The following LYN variants were observed in gnomAD, a reference collection of about 807,000 sequenced individuals.
The protein encoded by LYN is LYN proto-oncogene, Src family tyrosine kinase.
LYN carries 12 observed loss-of-function variants against 65.0 expected under a neutral mutation model. The ratio of observed to expected loss-of-function variants is 0.18; its 90% confidence interval spans 0.12 to 0.30. The LOEUF (loss-of-function observed/expected upper bound fraction) is 0.30. LYN is among the 10% of genes least tolerant of loss of function. The probability of loss-of-function intolerance (pLI) is 1.00; values close to 1 mark genes in which losing one functional copy is unlikely to be tolerated. For synonymous variants in LYN, 222 were observed against 221.2 expected (o/e 1.00, Z -0.03); for missense variants, 380 against 623.2 (o/e 0.61, Z 4.16).
chr8:56,005,450 C>A (rs542525702), intron 12 of LYN, among the ~76,000 whole-genome samples: 1 of 152,322 alleles, frequency 6.6e-6, no homozygotes, highest in Admixed American at 6.5e-5. Flanking sequence ...GTCCTGCCCT[C>A]GGCGCTGGCC....
intron 9 of LYN, 99 bp from the exon 10 acceptor site, chr8:55,969,618 G>A: frequency 1.1e-6 from 1 of 904,176 alleles, no homozygotes. Flanking sequence ...CAATCATTTT[G>A]TGGGGAGTTC....
intron 10 of LYN, among the ~76,000 whole-genome samples, chr8:55,976,343 AAGAAGGAAG>A (rs1383655388): frequency 3.3e-5 from 5 of 151,388 alleles, no homozygotes; most frequent in African/African-American, 1.2e-4. Context: ...AAAAAAAAAA[AAGAAGGAAG>A]GAAGGAAGGA....
chr8:55,903,624 A>G (rs1331767746), intron 1 of LYN, among the ~76,000 whole-genome samples: 2 of 152,198 alleles, frequency 1.3e-5, no homozygotes, highest in African/African-American at 4.8e-5. Context: ...TTCTATGTTG[A>G]TAATCTAATC....
At chr8:55,964,610 C>T (rs763077755) in intron 8 of LYN, among the ~76,000 whole-genome samples, 3 of 152,138 alleles carry the variant, frequency 2.0e-5, no homozygotes, top group Non-Finnish European at 4.4e-5. Context: ...CTCATGCCTA[C>T]AATCCCAGCA....
chr8:55,929,926 A>G (rs555845973), intron 1 of LYN, among the ~76,000 whole-genome samples: 3 of 152,332 alleles, frequency 2.0e-5, no homozygotes, highest in Admixed American at 2.0e-4. Context: ...CCTGTTAGGA[A>G]CTGGGCCACA....
intron 10 of LYN, among the ~76,000 whole-genome samples, chr8:55,992,362 G>A (rs984705933): frequency 6.6e-6 from 1 of 152,146 alleles, no homozygotes; most frequent in Non-Finnish European, 1.5e-5. Context: ...AGGCCCACAG[G>A]GTCCTGACCT....
intron 1 of LYN, among the ~76,000 whole-genome samples, chr8:55,913,992 G>A (rs1443852903): frequency 8.5e-5 from 13 of 152,144 alleles, no homozygotes; most frequent in Admixed American, 7.9e-4. Context: ...TATCAGATGA[G>A]CAATGAGCAG....
chr8:55,953,105 G>A (rs1289089716), intron 7 of LYN, among the ~76,000 whole-genome samples: 1 of 152,218 alleles, frequency 6.6e-6, no homozygotes, highest in Non-Finnish European at 1.5e-5. Flanking sequence ...ATTCCTGTGT[G>A]CATCCGGCAC....
At chr8:55,966,930 G>C (rs781194924) in intron 9 of LYN, 33 bp downstream of exon 9, 1 of 1,587,362 alleles carries the variant, frequency 6.3e-7, no homozygotes, top group South Asian at 1.1e-5. Context: ...AGCTTGCAAG[G>C]GCTTCAAACT....
chr8:55,999,403 T>C lies in LYN; in HGVS notation c.1205-15T>C. 2.5e-6 allele frequency: 4 copies of C among 1,611,694 alleles called. No homozygotes were observed. Among genetic ancestry groups the C allele is most frequent in the Non-Finnish European group, 3.4e-6 (4 of 1,178,402 alleles). The stretch of plus-strand genomic sequence containing the variant: ...TTTAAATACCCAAGTAAGAACCACA[T>C]ATCTTCTTCCTTAGGTGCTAAGTTC... On this transcript the variant is annotated splice_polypyrimidine_tract_variant and intron_variant, in intron 11 of 12. Coordinates refer to ENST00000519728, the MANE Select transcript of LYN (RefSeq NM_002350.4).
chr8:55,894,600 T>A (rs1381434827), intron 1 of LYN, among the ~76,000 whole-genome samples: 3 of 151,766 alleles, frequency 2.0e-5, no homozygotes, highest in Admixed American at 1.3e-4. Flanking sequence ...TGGCGCTATC[T>A]TGGCTCACTG....
rs537665481 is a variant in LYN at position 55,918,666 on chromosome 8, T to A, written c.-5-23189T>A. Among the ~76,000 whole-genome samples, 2 of 152,256 alleles carry A rather than the reference T, an allele frequency of 1.3e-5. 1 individual carries two copies. The highest frequency in any genetic ancestry group is 4.8e-5 in the African/African-American group (2 of 41,554). On this transcript the variant is annotated intron_variant, in intron 1 of 12. Transcript: ENST00000519728. ...AGGTGTTCGGGGTTGTCTCGGTTAATCCTTACTATGGCCTTGCGGGGTAGG... is the reference window on the plus strand; with the variant it reads ...AGGTGTTCGGGGTTGTCTCGGTTAAACCTTACTATGGCCTTGCGGGGTAGG...
intron 8 of LYN, among the ~76,000 whole-genome samples, chr8:55,960,654 A>G (rs1807245656): frequency 6.6e-6 from 1 of 152,198 alleles, no homozygotes; most frequent in African/African-American, 2.4e-5. Context: ...TAGTTTCTCA[A>G]AGGATAAGCA....
intron 1 of LYN, among the ~76,000 whole-genome samples, chr8:55,921,216 A>G (rs2130432921): frequency 6.6e-6 from 1 of 152,326 alleles, no homozygotes; most frequent in Non-Finnish European, 1.5e-5. Flanking sequence ...ACCACAAACT[A>G]TGGAATAAGC....
At chr8:55,928,731 A>G (rs1439777266) in intron 1 of LYN, among the ~76,000 whole-genome samples, 1 of 152,048 alleles carries the variant, frequency 6.6e-6, no homozygotes, top group East Asian at 1.9e-4. Context: ...GAAGTTTTAG[A>G]TTTTAATGAA....
At chr8:55,894,440 G>T (rs965844872) in intron 1 of LYN, among the ~76,000 whole-genome samples, 6 of 151,316 alleles carry the variant, frequency 4.0e-5, no homozygotes, top group Admixed American at 4.0e-4. Flanking sequence ...CTCAATCTTG[G>T]CTCACTGCAG....
At chr8:55,991,178 A>G (rs1027363116) in intron 10 of LYN, among the ~76,000 whole-genome samples, 2 of 152,180 alleles carry the variant, frequency 1.3e-5, no homozygotes, top group Admixed American at 1.3e-4. Flanking sequence ...CTCCACCTGG[A>G]GGAAGTGGCA....
chr8:55,912,287 A>G (rs948379246), intron 1 of LYN, among the ~76,000 whole-genome samples: 1 of 152,228 alleles, frequency 6.6e-6, no homozygotes, highest in Non-Finnish European at 1.5e-5. Context: ...TGTTTTTCGT[A>G]ATGAAGTGGT....
intron 12 of LYN, among the ~76,000 whole-genome samples, chr8:56,003,394 A>G (rs1408900137): frequency 1.3e-5 from 2 of 152,120 alleles, no homozygotes; most frequent in Non-Finnish European, 2.9e-5. Flanking sequence ...TTTAGAAGCT[A>G]TACAGGCCAG....
Sources: allele counts gnomAD v4.1 joint callset (sites outside exome capture counted in the v4.1 genomes callset), GRCh38; gene constraint gnomAD v4.1.1; transcripts MANE v1.5; gene names NCBI Gene and HGNC (gene_info 2026-07-23, HGNC 2026-07-21).